Variants in UGT1A8 observed in about 807,000 individuals in gnomAD.
UGT1A8 encodes the protein UDP glucuronosyltransferase family 1 member A8.
In UGT1A8, 39 loss-of-function variants were observed where a neutral mutation model predicts 45.3. The observed-to-expected ratio is 0.86, with a 90% confidence interval of 0.67 to 1.12. UGT1A8 has a LOEUF of 1.12. Ranked by LOEUF, UGT1A8 falls within the 50% of genes most tolerant of loss-of-function variation. The pLI is 0.00. For missense variants in UGT1A8, 719 were observed against 664.9 expected, an observed-to-expected ratio of 1.08 and a Z score of -0.90; for synonymous variants, 275 against 249.2, an observed-to-expected ratio of 1.10 and a Z score of -0.97.
intron 1 of UGT1A8, among the ~76,000 whole-genome samples, chr2:233,730,806 G>A (rs374048907): frequency 3.9e-5 from 6 of 152,118 alleles, no homozygotes; most frequent in Admixed American, 6.5e-5. Context: ...ATGGACATGC[G>A]TCCAAGAAGG....
intron 1 of UGT1A8, among the ~76,000 whole-genome samples, chr2:233,731,284 CTTT>C (rs78127606): frequency 7.2e-6 from 1 of 139,768 alleles, no homozygotes. Flanking sequence ...GTTTTTCTTT[CTTT>C]TTTTTTTTTT....
At chr2:233,719,614 A>C in intron 1 of UGT1A8, 3 of 1,613,882 alleles carry the variant, frequency 1.9e-6, no homozygotes, top group Non-Finnish European at 2.5e-6. Context: ...GTGATGGACT[A>C]CCCCAGGCCG....
intron 1 of UGT1A8, among the ~76,000 whole-genome samples, chr2:233,665,833 T>C (rs1435516081): frequency 6.6e-6 from 1 of 152,158 alleles, no homozygotes; most frequent in Non-Finnish European, 1.5e-5. Flanking sequence ...ATGGTAGGTG[T>C]ATGGTTACCT....
Position 233,743,547 on chromosome 2 carries a change from C to G in UGT1A8, c.856-23487C>G, listed in dbSNP as rs201114978. ...TTCCCCAGCAGTTCCTCTGACCCCC[C>G]CAAAATATTCTCCAGCGGGTTTCCC... is the stretch of plus-strand genomic sequence containing the variant. On this transcript the variant is annotated intron_variant, in intron 1 of 4. Coordinates refer to ENST00000373450, the MANE Select transcript of UGT1A8 (RefSeq NM_019076.5). 1.6e-4 allele frequency: 221 copies of G among 1,367,292 alleles called. 1 individual carries two copies. In the East Asian group the frequency reaches 2.5e-3, roughly 15 times the overall value. The allele number at this position is 1,367,292 out of a possible 1,614,324, so 84.7% of individuals were successfully genotyped here.
intron 1 of UGT1A8, among the ~76,000 whole-genome samples, chr2:233,746,488 T>C (rs978125229): frequency 6.6e-6 from 1 of 151,814 alleles, no homozygotes; most frequent in Non-Finnish European, 1.5e-5. Context: ...TCCATGGACA[T>C]GTCACTCTTT....
intron 1 of UGT1A8, among the ~76,000 whole-genome samples, chr2:233,684,847 A>G (rs866681909): frequency 5.9e-5 from 9 of 152,226 alleles, no homozygotes; most frequent in Middle Eastern, 3.2e-3. Flanking sequence ...TGGACACTGT[A>G]TAGTGTTCCT....
Position 233,618,001 on chromosome 2 carries a change from G to T in UGT1A8, c.294G>T (p.Trp98Cys). The part of the protein sequence containing the change: ...REFMDFADAQ[W>C]KAQVRSLFSL... Reference sequence around the variant, plus strand: ...TCATGGATTTCGCCGATGCTCAATGGAAAGCACAAGTACGAAGTTTGTTTT... The same window carrying T: ...TCATGGATTTCGCCGATGCTCAATGTAAAGCACAAGTACGAAGTTTGTTTT... Residue 98 changes from tryptophan (W) to cysteine (C), a missense_variant, in exon 1 of 5, where the codon TGG (tryptophan) becomes TGT (cysteine). By Grantham distance (215) the Trp-to-Cys change is radical. Coordinates refer to ENST00000373450, the MANE Select transcript of UGT1A8 (RefSeq NM_019076.5). 4 of 1,614,208 alleles carry T rather than the reference G, an allele frequency of 2.5e-6. No individual in the cohort carries two copies. Among genetic ancestry groups the T allele is most frequent in the Non-Finnish European group, 2.5e-6 (3 of 1,180,040 alleles).
chr2:233,727,904 A>G (rs1312363153), intron 1 of UGT1A8, among the ~76,000 whole-genome samples: 1 of 152,232 alleles, frequency 6.6e-6, no homozygotes, highest in Non-Finnish European at 1.5e-5. Flanking sequence ...CCAGGCAAGA[A>G]GACACAGGGG....
At chr2:233,693,891 T>G (rs1489359019) in intron 1 of UGT1A8, 2 of 1,613,928 alleles carry the variant, frequency 1.2e-6, no homozygotes, top group African/African-American at 2.7e-5. Flanking sequence ...TCTTTTGGAC[T>G]GCCTTGTTTC....
At chr2:233,711,503 TC>T (rs1193779053) in intron 1 of UGT1A8, among the ~76,000 whole-genome samples, 1 of 152,132 alleles carries the variant, frequency 6.6e-6, no homozygotes, top group Non-Finnish European at 1.5e-5. Flanking sequence ...AGAATCCCTT[TC>T]TAGCGCTCTG....
At chr2:233,761,660 C>T (rs998044886) in intron 1 of UGT1A8, among the ~76,000 whole-genome samples, 2 of 152,246 alleles carry the variant, frequency 1.3e-5, no homozygotes, top group African/African-American at 4.8e-5. Flanking sequence ...ATGAGTGAAT[C>T]ACCAGACAGT....
At chr2:233,725,435 A>G (rs1455918541) in intron 1 of UGT1A8, among the ~76,000 whole-genome samples, 2 of 151,954 alleles carry the variant, frequency 1.3e-5, no homozygotes, top group Non-Finnish European at 2.9e-5. Context: ...AATATAATGT[A>G]AGCCACATAC....
At chr2:233,679,224 A>G (rs2074445354) in intron 1 of UGT1A8, among the ~76,000 whole-genome samples, 1 of 152,208 alleles carries the variant, frequency 6.6e-6, no homozygotes, top group Admixed American at 6.5e-5. Flanking sequence ...TGGCTAGGGA[A>G]TGGTCCAATA....
intron 1 of UGT1A8, among the ~76,000 whole-genome samples, chr2:233,741,083 A>G (rs1400996057): frequency 6.6e-6 from 1 of 151,938 alleles, no homozygotes; most frequent in Non-Finnish European, 1.5e-5. Flanking sequence ...TGTCTTTAAA[A>G]CAAACAAGCA....
At chr2:233,744,534 G>A (rs1692839516) in intron 1 of UGT1A8, among the ~76,000 whole-genome samples, 1 of 151,902 alleles carries the variant, frequency 6.6e-6, no homozygotes. Context: ...TTATTTTTAT[G>A]TAAATTTTAT....
intron 1 of UGT1A8, among the ~76,000 whole-genome samples, chr2:233,673,240 A>G (rs2074254877): frequency 6.6e-6 from 1 of 152,138 alleles, no homozygotes; most frequent in African/African-American, 2.4e-5. Flanking sequence ...GGCTGGACAT[A>G]TTCTTCTTTT....
chr2:233,748,518 A>T lies in UGT1A8; in HGVS notation c.856-18516A>T, dbSNP rs151219324. Among the ~76,000 whole-genome samples the T allele has an allele frequency of 4.6e-3, 699 of 151,972 alleles. 22 individuals carry two copies. The highest frequency in any genetic ancestry group is 0.016 in the African/African-American group (660 of 41,240). Reference sequence around the variant, plus strand: ...TAATTTTTAGTGGTCCTGTCTTGCGAATGATAGAGAGGTGACCACAGGAGA... The same window carrying T: ...TAATTTTTAGTGGTCCTGTCTTGCGTATGATAGAGAGGTGACCACAGGAGA... On this transcript the variant is annotated intron_variant, in intron 1 of 4. Coordinates refer to ENST00000373450, the MANE Select transcript of UGT1A8 (RefSeq NM_019076.5).
At chr2:233,739,740 T>C (rs541880710) in intron 1 of UGT1A8, among the ~76,000 whole-genome samples, 25 of 152,316 alleles carry the variant, frequency 1.6e-4, no homozygotes, top group Non-Finnish European at 3.2e-4. Context: ...AGATGAGACC[T>C]TGGACTATGG....
intron 1 of UGT1A8, among the ~76,000 whole-genome samples, chr2:233,634,580 T>C (rs1003221197): frequency 2.6e-5 from 4 of 152,232 alleles, no homozygotes; most frequent in African/African-American, 7.2e-5. Context: ...TCTTTTTTGA[T>C]CTCTGTTGAT....
Sources: allele counts gnomAD v4.1 joint callset (sites outside exome capture counted in the v4.1 genomes callset), GRCh38; gene constraint gnomAD v4.1.1; transcripts MANE v1.5; gene names NCBI Gene and HGNC (gene_info 2026-07-23, HGNC 2026-07-21).